Variants in KCNJ10 observed in about 807,000 individuals in gnomAD.
The protein encoded by KCNJ10 is potassium inwardly rectifying channel subfamily J member 10, also known as ATP-sensitive inward rectifier potassium channel 10.
In KCNJ10, 9 loss-of-function variants were observed where a neutral mutation model predicts 22.2. The ratio of observed to expected loss-of-function variants is 0.40; its 90% confidence interval spans 0.24 to 0.71. The LOEUF (loss-of-function observed/expected upper bound fraction) is 0.71. KCNJ10 is among the 30% of genes least tolerant of loss of function. The probability of loss-of-function intolerance (pLI) is 0.35; values close to 1 mark genes in which losing one functional copy is unlikely to be tolerated. For synonymous variants in KCNJ10, 184 were observed against 187.3 expected, an observed-to-expected ratio of 0.98 and a Z score of 0.15; for missense variants, 337 against 482.7, an observed-to-expected ratio of 0.70 and a Z score of 2.83.
intron 1 of KCNJ10, among the ~76,000 whole-genome samples, chr1:160,067,604 CCAG>C (rs1201719761): frequency 6.6e-6 from 1 of 152,166 alleles, no homozygotes; most frequent in African/African-American, 2.4e-5. Flanking sequence ...GTAGCACTGA[CCAG>C]TCAGGCAAGA....
In KCNJ10 at chr1:160,041,655, G is replaced by T; in HGVS notation, c.878C>A (p.Thr293Asn). The T allele has an allele frequency of 6.2e-7, 1 of 1,614,210 alleles. No individual in the cohort carries two copies. Among genetic ancestry groups the T allele is most frequent in the Non-Finnish European group, 8.5e-7 (1 of 1,180,042 alleles). Reference protein sequence around the residue: ...LSGTVESTSATCQVRTSYLPE... With the variant: ...LSGTVESTSANCQVRTSYLPE... ...CAGGTAGGAAGTGCGCACCTGACAG[G>T]TGGCACTGGTGGACTCCACTGTCCC... is the stretch of plus-strand genomic sequence containing the variant. The change falls in exon 2 of 2, where the codon ACC becomes AAC. Residue 293 changes from threonine (T) to asparagine (N), a missense_variant. Thr to Asn is a moderately conservative substitution (Grantham distance 65). This residue lies in a region of KCNJ10 where 165 missense variants were observed against 281.5 expected (regional missense o/e 0.59). Transcript: ENST00000644903. This position sits in a 1 kb window ranked among gnomAD's most constrained non-coding sequence, Gnocchi z 4.4.
At chr1:160,061,860 A>T (rs574581069) in intron 1 of KCNJ10, among the ~76,000 whole-genome samples, 1 of 151,890 alleles carries the variant, frequency 6.6e-6, no homozygotes, top group African/African-American at 2.4e-5. Flanking sequence ...GTCTGGGCAC[A>T]TCCGTTTGGG....
At chr1:160,060,567 A>G (rs1649157474) in intron 1 of KCNJ10, among the ~76,000 whole-genome samples, 1 of 152,192 alleles carries the variant, frequency 6.6e-6, no homozygotes, top group Non-Finnish European at 1.5e-5. Flanking sequence ...TTAGCACTCA[A>G]TAATATTTGC....
At chr1:160,052,328 G>T (rs1648924907) in intron 1 of KCNJ10, among the ~76,000 whole-genome samples, 1 of 152,212 alleles carries the variant, frequency 6.6e-6, no homozygotes, top group Admixed American at 6.5e-5. Context: ...GACTCAGCTT[G>T]CTCTCTGTCC....
chr1:160,045,405 A>G (rs1243516866), intron 1 of KCNJ10, among the ~76,000 whole-genome samples: 3 of 152,244 alleles, frequency 2.0e-5, no homozygotes, highest in Non-Finnish European at 4.4e-5. Flanking sequence ...ATCCAAAAGG[A>G]GTCAAATAAG....
At chr1:160,049,706 T>TATATATATATATATAAATAAAC (rs1648854249) in intron 1 of KCNJ10, among the ~76,000 whole-genome samples, 1 of 128,684 alleles carries the variant, frequency 7.8e-6, no homozygotes, top group Non-Finnish European at 1.6e-5. Context: ...TATATATATA[T>TATATATATATATATAAATAAAC]ATATATATAT....
At chr1:160,048,563 TTGTC>T (rs1427415377) in intron 1 of KCNJ10, among the ~76,000 whole-genome samples, 1 of 152,214 alleles carries the variant, frequency 6.6e-6, no homozygotes, top group Non-Finnish European at 1.5e-5. Flanking sequence ...GGAAAGTGCT[TTGTC>T]TGTTTTCTCT....
rs1648508672 is a variant in KCNJ10, at chr1:160,037,715, G to C, written c.*3678C>G. ...ACAAGTGAACTAGGTTAGCTAGCAA[G>C]AATAAAGGACCAGGGCAGCAGCCAT... On this transcript the variant is annotated 3_prime_UTR_variant, in exon 2 of 2. Coordinates refer to ENST00000644903, the MANE Select transcript of KCNJ10 (RefSeq NM_002241.5). 6.6e-6 allele frequency: 1 copy of C among 152,254 alleles called. No individual in the cohort carries two copies. Among genetic ancestry groups the C allele is most frequent in the Non-Finnish European group, 1.5e-5 (1 of 68,074 alleles). 9.4% of individuals were successfully genotyped at this position (152,254 alleles called of 1,614,324 possible). A position where few individuals can be genotyped will look rare whatever the true frequency, so the allele number is the denominator to read the frequency against.
intron 1 of KCNJ10, among the ~76,000 whole-genome samples, chr1:160,044,096 A>G (rs1051806797): frequency 3.9e-5 from 6 of 152,070 alleles, no homozygotes; most frequent in Non-Finnish European, 8.8e-5. Flanking sequence ...GGGCCTGACC[A>G]TATGCCCAAC....
At chr1:160,058,718 G>A (rs1649107714) in intron 1 of KCNJ10, among the ~76,000 whole-genome samples, 1 of 152,118 alleles carries the variant, frequency 6.6e-6, no homozygotes, top group Admixed American at 6.5e-5. Context: ...TTTATGACCT[G>A]GTCTCTGCTG....
At chr1:160,067,264 G>A (rs1313827087) in intron 1 of KCNJ10, among the ~76,000 whole-genome samples, 1 of 152,114 alleles carries the variant, frequency 6.6e-6, no homozygotes, top group Non-Finnish European at 1.5e-5. Context: ...CCCTTTCAAG[G>A]TTCTGATGGG....
At chr1:160,043,995 C>A (rs538357090) in intron 1 of KCNJ10, among the ~76,000 whole-genome samples, 1 of 152,178 alleles carries the variant, frequency 6.6e-6, no homozygotes, top group Admixed American at 6.5e-5. Flanking sequence ...AAAGTCTGAA[C>A]CATTGCATTT....
chr1:160,050,621 T>C (rs1290621214), intron 1 of KCNJ10, among the ~76,000 whole-genome samples: 1 of 151,978 alleles, frequency 6.6e-6, no homozygotes, highest in Non-Finnish European at 1.5e-5. Context: ...CAAGAAGAGC[T>C]TGTGAAGGGA....
At chr1:160,055,824 G>C (rs1649016540) in intron 1 of KCNJ10, among the ~76,000 whole-genome samples, 1 of 152,116 alleles carries the variant, frequency 6.6e-6, no homozygotes, top group South Asian at 2.1e-4. Context: ...ATCCACTCTT[G>C]ACTCTCATCC....
intron 1 of KCNJ10, among the ~76,000 whole-genome samples, chr1:160,046,385 T>TC (rs1262797578): frequency 2.0e-5 from 3 of 152,236 alleles, no homozygotes; most frequent in African/African-American, 7.2e-5. Context: ...AATCCAGGTC[T>TC]CCCAGCTCCT....
intron 1 of KCNJ10, among the ~76,000 whole-genome samples, chr1:160,068,699 G>T (rs1170895305): frequency 6.6e-6 from 1 of 152,188 alleles, no homozygotes; most frequent in East Asian, 1.9e-4. Flanking sequence ...TACCCCCAGA[G>T]AAATTTACAA....
chr1:160,043,272 AACACACACAC>A (rs779402094), intron 1 of KCNJ10, among the ~76,000 whole-genome samples: 3 of 132,642 alleles, frequency 2.3e-5, no homozygotes, highest in Admixed American at 1.5e-4. Flanking sequence ...TCCCCCTTAA[AACACACACAC>A]ACACACACAC....
At chr1:160,049,675 T>TTTTATA (rs1553235648) in intron 1 of KCNJ10, among the ~76,000 whole-genome samples, 727 of 47,074 alleles carry the variant, frequency 0.015, 19 homozygotes, top group Non-Finnish European at 0.024. Context: ...TTTTATTTAT[T>TTTTATA]TATATATATA....
In KCNJ10 at chr1:160,040,399, C is replaced by T. The variant is rs750387978; in HGVS notation, c.*994G>A. On this transcript the variant is annotated 3_prime_UTR_variant, in exon 2 of 2. Transcript: ENST00000644903. ...AGAGGAAGGCCCTTGCATTTTCCCT[C>T]CCTTCTCCCAAAGAGTTGGGGTTAA... is the stretch of plus-strand genomic sequence containing the variant. 7.6e-6 allele frequency: 3 copies of T among 396,712 alleles called. No individual in the cohort carries two copies. Among genetic ancestry groups the T allele is most frequent in the Non-Finnish European group, 1.3e-5 (3 of 225,236 alleles). The allele number at this position is 396,712 out of a possible 1,614,324, so 24.6% of individuals were successfully genotyped here. A position where few individuals can be genotyped will look rare whatever the true frequency, so the allele number is the denominator to read the frequency against.
Sources: gnomAD v4.1 joint callset for allele counts (sites outside exome capture counted in the v4.1 genomes callset) on GRCh38, gnomAD v4.1.1 for gene constraint, gnomAD v4.1.1 regional missense constraint, Gnocchi (gnomAD v3.1) non-coding constraint, MANE v1.5 for transcripts, NCBI Gene and HGNC (gene_info 2026-07-23, HGNC 2026-07-21) for gene names.